The following BCL2L13 variants were observed in gnomAD, a reference collection of about 807,000 sequenced individuals.
BCL2L13 encodes the protein bcl-2-like protein 13.
BCL2L13 carries 13 observed loss-of-function variants against 25.8 expected under a neutral mutation model. The ratio of observed to expected loss-of-function variants is 0.50; its 90% CI spans 0.33 to 0.80. The LOEUF (loss-of-function observed/expected upper bound fraction) is 0.80, where lower values mean the gene tolerates loss of function less well. Among genes scored for constraint, BCL2L13 ranks in the 30% least tolerant of loss-of-function variants. The probability of loss-of-function intolerance (pLI) is 0.02; values close to 1 mark genes in which losing one functional copy is unlikely to be tolerated. For missense variants in BCL2L13, 504 were observed against 574.9 expected (o/e 0.88, Z 1.26); for synonymous variants, 244 against 230.3 (o/e 1.06, Z -0.54).
intron 2 of BCL2L13, among the ~76,000 whole-genome samples, chr22:17,659,505 C>T (rs980726250): frequency 7.0e-6 from 1 of 143,748 alleles, no homozygotes. Flanking sequence ...GCTAAAAATA[C>T]AAAATATTAG....
At chr22:17,699,428 A>G (rs966552867) in intron 5 of BCL2L13, among the ~76,000 whole-genome samples, 24 of 152,108 alleles carry the variant, frequency 1.6e-4, no homozygotes, top group African/African-American at 5.1e-4. Context: ...AAATTTAAGT[A>G]GGTCTAACCT....
At chr22:17,689,397 A>G (rs145608428) in intron 4 of BCL2L13, among the ~76,000 whole-genome samples, 56 of 152,316 alleles carry the variant, frequency 3.7e-4, no homozygotes, top group African/African-American at 1.3e-3. Flanking sequence ...GGTTTCACCG[A>G]ATGCTTTTAC....
At chr22:17,712,739 G>C (rs1363906016) in intron 6 of BCL2L13, among the ~76,000 whole-genome samples, 1 of 152,204 alleles carries the variant, frequency 6.6e-6, no homozygotes, top group Non-Finnish European at 1.5e-5. Context: ...TGGCTTTGGT[G>C]AGTGGGTTCT....
At chr22:17,646,951 A>T (rs1415716886) in intron 1 of BCL2L13, among the ~76,000 whole-genome samples, 277 of 21,780 alleles carry the variant, frequency 0.013, 1 homozygote, top group African/African-American at 0.046. Context: ...ATATATATAT[A>T]TATATTTTTT....
intron 2 of BCL2L13, among the ~76,000 whole-genome samples, chr22:17,679,836 C>G (rs181215274): frequency 2.6e-5 from 4 of 151,906 alleles, no homozygotes; most frequent in African/African-American, 9.7e-5. Flanking sequence ...CGTTTTTTCC[C>G]CTTATTACCA....
intron 4 of BCL2L13, among the ~76,000 whole-genome samples, chr22:17,693,379 T>TAGTG (rs959693332): frequency 1.0e-5 from 1 of 95,834 alleles, no homozygotes; most frequent in South Asian, 2.9e-4. Context: ...TTTGTTTTTT[T>TAGTG]TTTTTTTTTT....
chr22:17,727,810 A>G lies in BCL2L13; in HGVS notation c.*276A>G, dbSNP rs2061336773. ...GACCGGGTTTCTCAGCCTTGGCACT[A>G]GTGCTGTTCTGACCATTCTCTGTGT... On this transcript the variant is annotated 3_prime_UTR_variant, in exon 7 of 7. Coordinates refer to ENST00000317582, the MANE Select transcript of BCL2L13 (RefSeq NM_015367.4). 3 of 485,896 alleles carry G rather than the reference A, an allele frequency of 6.2e-6. No individual in the cohort carries two copies. The East Asian group carries it at 1.1e-4, about 18-fold the overall frequency. 30.1% of individuals were successfully genotyped at this position (485,896 alleles called of 1,614,324 possible). A position where few individuals can be genotyped will look rare whatever the true frequency, so the allele number is the denominator to read the frequency against.
At chr22:17,708,828 C>T (rs563435038) in intron 6 of BCL2L13, among the ~76,000 whole-genome samples, 1 of 152,182 alleles carries the variant, frequency 6.6e-6, no homozygotes, top group African/African-American at 2.4e-5. Context: ...AGAATGGTTC[C>T]GAGGCTACTT....
intron 2 of BCL2L13, among the ~76,000 whole-genome samples, chr22:17,663,125 C>T (rs945001139): frequency 6.6e-6 from 1 of 152,162 alleles, no homozygotes; most frequent in Non-Finnish European, 1.5e-5. Context: ...CCTGCCTTGG[C>T]CTTTCAAAGT....
At chr22:17,633,796 A>G (rs1234106811), upstream of BCL2L13, among the ~76,000 whole-genome samples, 1 of 152,292 alleles carries the variant, frequency 6.6e-6, no homozygotes, top group Non-Finnish European at 1.5e-5. Flanking sequence ...CCAAATTTCT[A>G]TGCTACAGTG....
At chr22:17,646,886 ATTT>A in intron 1 of BCL2L13, among the ~76,000 whole-genome samples, 1 of 43,884 alleles carries the variant, frequency 2.3e-5, no homozygotes, top group African/African-American at 1.1e-4. Flanking sequence ...CGCCCAGCTA[ATTT>A]GTGTGTGTGT....
chr22:17,635,999 A>G (rs533083981), upstream of BCL2L13, among the ~76,000 whole-genome samples: 32 of 150,016 alleles, frequency 2.1e-4, no homozygotes, highest in African/African-American at 3.7e-4. Flanking sequence ...GTGAACCACC[A>G]CGCCCGGCCT....
In BCL2L13 at chr22:17,726,867, CAG is replaced by C; in HGVS notation, c.793_794del (p.Glu265LysfsTer9). 6.2e-7 allele frequency: 1 copy of C among 1,613,978 alleles called. No individual in the cohort carries two copies. The highest frequency in any genetic ancestry group is 2.2e-5 in the East Asian group (1 of 44,878). On this transcript the variant is annotated frameshift_variant, in exon 7 of 7. Transcript: ENST00000317582. LOFTEE classifies it low-confidence loss of function (END_TRUNC). ...CTGTCAGCTAGCCAGAGTTGGCACA[CAG>C]AAAGCCTGCCAGTGTCACTAGGCCC... is the stretch of plus-strand genomic sequence containing the variant.
intron 1 of BCL2L13, among the ~76,000 whole-genome samples, chr22:17,640,895 T>A (rs62673260): frequency 1.8e-3 from 57 of 30,954 alleles, no homozygotes; most frequent in Admixed American, 0.013. Context: ...TATATATATA[T>A]ATATTTTTTT....
At chr22:17,684,569 T>G (rs73163153) in intron 3 of BCL2L13, 70,660 of 453,730 alleles carry the variant, frequency 0.16, 6,865 homozygotes, top group Non-Finnish European at 0.21. Flanking sequence ...GTGGTGGTGG[T>G]GGTGGTGTTT....
At chr22:17,639,003 C>T in intron 1 of BCL2L13, 117 bp downstream of exon 1, 1 of 844,428 alleles carries the variant, frequency 1.2e-6, no homozygotes, top group Non-Finnish European at 1.6e-6. Flanking sequence ...TCCGACGACG[C>T]GTGAGTTTGA....
intron 5 of BCL2L13, among the ~76,000 whole-genome samples, chr22:17,699,889 T>C (rs1275179806): frequency 6.6e-6 from 1 of 152,264 alleles, no homozygotes; most frequent in African/African-American, 2.4e-5. Flanking sequence ...GTGTAAATCC[T>C]CTTAGGATTT....
intron 1 of BCL2L13, among the ~76,000 whole-genome samples, chr22:17,639,468 C>G (rs2058189580): frequency 6.6e-6 from 1 of 152,210 alleles, no homozygotes; most frequent in Non-Finnish European, 1.5e-5. Context: ...GATTTATCCT[C>G]CCAACATTCT....
chr22:17,675,075 T>TAC (rs10537282), intron 2 of BCL2L13, among the ~76,000 whole-genome samples: 88 of 151,430 alleles, frequency 5.8e-4, no homozygotes, highest in Middle Eastern at 3.4e-3. Flanking sequence ...TACATATGTA[T>TAC]ACACACACAC....
Sources: gnomAD v4.1 joint callset for allele counts (sites outside exome capture counted in the v4.1 genomes callset) on GRCh38, gnomAD v4.1.1 for gene constraint, MANE v1.5 for transcripts, NCBI Gene and HGNC (gene_info 2026-07-23, HGNC 2026-07-21) for gene names.